CLEC17A: variants seen among roughly 807,000 people sequenced by gnomAD.
CLEC17A encodes the protein C-type lectin domain containing 17A, also known as C-type lectin domain family 17, member A.
CLEC17A carries 37 observed loss-of-function variants against 61.3 expected under a neutral mutation model. That is an observed-to-expected ratio of 0.60 (90% CI 0.46 to 0.79). The LOEUF (loss-of-function observed/expected upper bound fraction) is 0.79, where lower values mean the gene tolerates loss of function less well. Among genes scored for constraint, CLEC17A ranks in the 30% least tolerant of loss-of-function variants. The probability of loss-of-function intolerance (pLI) is 0.00; values close to 1 mark genes in which losing one functional copy is unlikely to be tolerated. For missense variants in CLEC17A, 418 were observed against 464.7 expected (o/e 0.90, Z 0.92); for synonymous variants, 168 against 164.9 (o/e 1.02, Z -0.14).
At chr19:14,587,341 A>G (rs2074310318) in intron 2 of CLEC17A, among the ~76,000 whole-genome samples, 1 of 152,082 alleles carries the variant, frequency 6.6e-6, no homozygotes, top group African/African-American at 2.4e-5. Flanking sequence ...AGGGAAACAG[A>G]CAGATGCCTT....
intron 12 of CLEC17A, 82 bp from the exon 13 acceptor site, chr19:14,606,911 A>G (rs2074892718): frequency 3.3e-6 from 2 of 601,552 alleles, no homozygotes; most frequent in Non-Finnish European, 4.8e-6. Context: ...AGCCCTAAAT[A>G]TGTAGGACAG....
intron 4 of CLEC17A, among the ~76,000 whole-genome samples, 182 bp from the exon 5 acceptor site, chr19:14,594,335 G>A (rs1032179009): frequency 6.6e-6 from 1 of 151,870 alleles, no homozygotes; most frequent in East Asian, 1.9e-4. Context: ...AGGCAATCTA[G>A]GTTCGTTGGT....
chr19:14,581,089 G>A (rs970846416), upstream of CLEC17A, among the ~76,000 whole-genome samples: 3 of 152,116 alleles, frequency 2.0e-5, no homozygotes, highest in African/African-American at 7.2e-5. Context: ...TTTTGTTTGA[G>A]ACACTCTTGT....
Position 14,607,004 on chromosome 19 carries a change from C to A in CLEC17A, c.906C>A (p.Ala302=). The A allele has an allele frequency of 1.6e-6, 2 of 1,287,410 alleles. No homozygotes were observed. Among genetic ancestry groups the A allele is most frequent in the South Asian group, 2.5e-5 (1 of 39,744 alleles). The allele number at this position is 1,287,410 out of a possible 1,614,324, so 79.7% of individuals were successfully genotyped here. ...INSFAEHNFV[A]KAHGSPRVYW... is the part of the protein sequence containing the mutation. The stretch of plus-strand genomic sequence containing the variant: ...ATTTTTATTTGCAGAATTTTGTGGC[C>A]AAGGCCCATGGCTCTCCACGGGTGT... Residue 302 remains alanine, a synonymous_variant, in exon 13 of 14, where the codon GCC becomes GCA. Coordinates refer to ENST00000417570, the MANE Select transcript of CLEC17A (RefSeq NM_001204118.2).
At chr19:14,599,887 T>G in intron 11 of CLEC17A, 75 bp downstream of exon 11, 1 of 1,494,862 alleles carries the variant, frequency 6.7e-7, no homozygotes, top group Non-Finnish European at 9.2e-7. Context: ...TCCATTGAAG[T>G]CATTCTCAGT....
chr19:14,590,814 T>G (rs1436882448), intron 3 of CLEC17A, among the ~76,000 whole-genome samples: 1 of 151,626 alleles, frequency 6.6e-6, no homozygotes, highest in Non-Finnish European at 1.5e-5. Context: ...AGTCTCCCGA[T>G]AGCTGGGACT....
rs779385827 is a variant in CLEC17A, at chr19:14,600,135, C to T, written c.847C>T (p.Gln283Ter). 1.9e-6 allele frequency: 3 copies of T among 1,613,924 alleles called. No individual in the cohort carries two copies. Residue 283 changes from glutamine to a stop codon, truncating the protein, a stop_gained, in exon 12 of 14, where the codon CAG (glutamine) becomes TAG (stop). Coordinates refer to ENST00000417570, the MANE Select transcript of CLEC17A (RefSeq NM_001204118.2). LOFTEE classifies it high-confidence loss of function. Reference protein sequence around the residue: ...KSWDEARMFCQENYSHLVIIN... With the variant: ...KSWDEARMFC Reference sequence around the variant, plus strand: ...ATGGGATGAGGCCCGGATGTTCTGCCAGGAGAATTACTCTCACTTGGTCAT... The same window carrying T: ...ATGGGATGAGGCCCGGATGTTCTGCTAGGAGAATTACTCTCACTTGGTCAT...
chr19:14,599,930 C>T (rs1441709200), intron 11 of CLEC17A, 101 bp from the exon 12 acceptor site: 14 of 1,524,448 alleles, frequency 9.2e-6, no homozygotes, highest in East Asian at 2.3e-5. Flanking sequence ...CTCCCCCTCA[C>T]CGGAGTTGAG....
upstream of CLEC17A, among the ~76,000 whole-genome samples, chr19:14,581,235 G>C (rs1484230621): frequency 6.6e-6 from 1 of 152,148 alleles, no homozygotes; most frequent in Non-Finnish European, 1.5e-5. Context: ...TTGGGGTCTT[G>C]CCCCTTGGGG....
intron 7 of CLEC17A, 36 bp downstream of exon 7, chr19:14,594,836 G>A (rs2074504870): frequency 6.3e-7 from 1 of 1,581,808 alleles, no homozygotes. Flanking sequence ...ATGCCTAAGA[G>A]GGGATACCTG....
intron 12 of CLEC17A, among the ~76,000 whole-genome samples, chr19:14,605,097 C>T (rs1463125329): frequency 6.7e-6 from 1 of 150,022 alleles, no homozygotes; most frequent in African/African-American, 2.5e-5. Flanking sequence ...CTTTGACCTC[C>T]CCACATTTTT....
intron 13 of CLEC17A, among the ~76,000 whole-genome samples, chr19:14,609,481 G>T (rs1179287021): frequency 6.6e-6 from 1 of 152,190 alleles, no homozygotes; most frequent in Non-Finnish European, 1.5e-5. Flanking sequence ...CTAGAAGGTT[G>T]GGTTGGGAGG....
upstream of CLEC17A, chr19:14,582,984 T>A: frequency 1.6e-6 from 1 of 618,076 alleles, no homozygotes. Context: ...TGTGTGTGTG[T>A]GTGTGTTTGT....
intron 13 of CLEC17A, among the ~76,000 whole-genome samples, chr19:14,607,542 T>C (rs2074926108): frequency 6.9e-6 from 1 of 145,104 alleles, no homozygotes; most frequent in Non-Finnish European, 1.5e-5. Context: ...CTTGTTTTAT[T>C]TTATTTTATT....
chr19:14,584,520 G>A (rs1368808841), intron 2 of CLEC17A: 1 of 152,168 alleles, frequency 6.6e-6, no homozygotes, highest in Non-Finnish European at 1.5e-5. Context: ...TATGCTGATG[G>A]CCTGGTCCTG....
At chr19:14,581,231 T>A (rs563927581), upstream of CLEC17A, among the ~76,000 whole-genome samples, 1 of 152,266 alleles carries the variant, frequency 6.6e-6, no homozygotes, top group Non-Finnish European at 1.5e-5. Flanking sequence ...GAAATTGGGG[T>A]CTTGCCCCTT....
upstream of CLEC17A, among the ~76,000 whole-genome samples, chr19:14,581,625 C>A (rs1047980277): frequency 2.2e-4 from 34 of 151,794 alleles, no homozygotes; most frequent in African/African-American, 8.0e-4. Flanking sequence ...AGCCACCGCG[C>A]CTGGCCAGAA....
chr19:14,585,484 C>T (rs115168472), intron 2 of CLEC17A, among the ~76,000 whole-genome samples: 7,968 of 152,166 alleles, frequency 0.052, 719 homozygotes, highest in African/African-American at 0.18. Context: ...AGTCTCTTCC[C>T]ACAATGACTC....
chr19:14,582,967 GT>G, upstream of CLEC17A: 1 of 201,070 alleles, frequency 5.0e-6, no homozygotes, highest in East Asian at 1.4e-4. Flanking sequence ...CTGTGTGTAT[GT>G]GTGTGTGTGT....
Sources: gnomAD v4.1 joint callset for allele counts (sites outside exome capture counted in the v4.1 genomes callset) on GRCh38, gnomAD v4.1.1 for gene constraint, MANE v1.5 for transcripts, NCBI Gene and HGNC (gene_info 2026-07-23, HGNC 2026-07-21) for gene names.